Variants in ADAMTS2 observed in about 807,000 individuals in gnomAD.
ADAMTS2 encodes the protein A disintegrin and metalloproteinase with thrombospondin motifs 2.
Under a neutral mutation model 123.0 loss-of-function variants are expected in ADAMTS2, and 50 were observed. That is an observed-to-expected ratio of 0.41 (90% CI 0.32 to 0.51). The LOEUF is 0.51. Among genes scored for constraint, ADAMTS2 ranks in the 20% least tolerant of loss-of-function variants. The pLI, the probability that ADAMTS2 is intolerant of heterozygous loss-of-function variation, is 0.35. For missense variants in ADAMTS2, 1,494 were observed against 1,705.2 expected (o/e 0.88, Z 2.18); for synonymous variants, 678 against 695.4 (o/e 0.98, Z 0.39).
chr5:179,311,139 G>A (rs1756823192), intron 2 of ADAMTS2, among the ~76,000 whole-genome samples: 1 of 151,176 alleles, frequency 6.6e-6, no homozygotes, highest in African/African-American at 2.4e-5. Context: ...GGATGCGTAT[G>A]TTCAGCAGAT....
At position 179,129,770 on chromosome 5, in the gene ADAMTS2, C is replaced by T. The variant is rs1159114463; in HGVS notation, c.2457+162G>A. 6.6e-6 allele frequency among the ~76,000 whole-genome samples: 1 copy of T among 152,230 alleles called. No homozygotes were observed. Among genetic ancestry groups the T allele is most frequent in the African/African-American group, 2.4e-5 (1 of 41,470 alleles). ...CCGGCTCGTGGATGCATGTCCCTTC[C>T]TGGCTCTGACCAAGTCGGAGCCCCT... On this transcript the variant is annotated intron_variant, in intron 16 of 21. Transcript: ENST00000251582. The surrounding 1 kb of genome is among the most constrained non-coding windows in gnomAD (Gnocchi z 4.1).
At chr5:179,329,680 C>A (rs980926630) in intron 2 of ADAMTS2, among the ~76,000 whole-genome samples, 16 of 151,976 alleles carry the variant, frequency 1.1e-4, no homozygotes, top group African/African-American at 3.6e-4. Flanking sequence ...CAGAGCTGAC[C>A]GAAGAAACAA....
intron 2 of ADAMTS2, among the ~76,000 whole-genome samples, chr5:179,298,100 AC>A (rs1188059473): frequency 1.3e-5 from 2 of 152,146 alleles, no homozygotes; most frequent in African/African-American, 4.8e-5. Flanking sequence ...CCCTCGTGCC[AC>A]AGTGACCCTG....
Position 179,158,706 on chromosome 5 carries a change from GC to G in ADAMTS2, c.1132+16del. 6.2e-7 allele frequency: 1 copy of G among 1,614,010 alleles called. No individual in the cohort carries two copies. The highest frequency in any genetic ancestry group is 8.5e-7 in the Non-Finnish European group (1 of 1,180,010). ...TCCAGCTTCACGCCTCTGTGGCCCT[GC>G]ATGGGTGAGGCTCACCTTGCATGCC... On this transcript the variant is annotated intron_variant, in intron 6 of 21. Coordinates refer to ENST00000251582, the MANE Select transcript of ADAMTS2 (RefSeq NM_014244.5). This position sits in a 1 kb window ranked among gnomAD's most constrained non-coding sequence, Gnocchi z 5.0.
intron 2 of ADAMTS2, among the ~76,000 whole-genome samples, chr5:179,296,433 G>A (rs1314349080): frequency 1.3e-5 from 2 of 152,128 alleles, no homozygotes; most frequent in Non-Finnish European, 2.9e-5. Flanking sequence ...CAGGAATGTC[G>A]AAGTAGATCC....
intron 19 of ADAMTS2, among the ~76,000 whole-genome samples, chr5:179,124,360 T>C (rs1317695305): frequency 6.6e-6 from 1 of 152,012 alleles, no homozygotes; most frequent in African/African-American, 2.4e-5. Context: ...CTTCAGTCCA[T>C]CCTCATTCTT....
intron 2 of ADAMTS2, among the ~76,000 whole-genome samples, chr5:179,326,213 T>TGTGTGC (rs1757316621): frequency 6.6e-6 from 1 of 151,748 alleles, no homozygotes; most frequent in South Asian, 2.1e-4. Flanking sequence ...TGTGTGTGTG[T>TGTGTGC]GTGTGTGTGT....
At chr5:179,169,263 G>A (rs919155946) in intron 5 of ADAMTS2, among the ~76,000 whole-genome samples, 3 of 152,236 alleles carry the variant, frequency 2.0e-5, no homozygotes, top group Admixed American at 6.5e-5. Flanking sequence ...GGCACAGCTA[G>A]AAGGTGCCCT....
chr5:179,181,213 CT>C lies in ADAMTS2; in HGVS notation c.892-59del. On this transcript the variant is annotated intron_variant, in intron 4 of 21. Coordinates refer to ENST00000251582, the MANE Select transcript of ADAMTS2 (RefSeq NM_014244.5). The surrounding 1 kb of genome is among the most constrained non-coding windows in gnomAD (Gnocchi z 4.1). ...ACAGGCCCTAGGACTGGCTCTGGCT[CT>C]GCCAATGGGATGACCCCCACCTGCT... The C allele has an allele frequency of 7.8e-7, 1 of 1,285,464 alleles. No individual in the cohort carries two copies. The highest frequency in any genetic ancestry group is 1.1e-6 in the Non-Finnish European group (1 of 882,070). The allele number at this position is 1,285,464 out of a possible 1,614,324, so 79.6% of individuals were successfully genotyped here.
chr5:179,145,561 G>T (rs1763237204), intron 10 of ADAMTS2, among the ~76,000 whole-genome samples: 1 of 152,200 alleles, frequency 6.6e-6, no homozygotes, highest in African/African-American at 2.4e-5. Context: ...CTACAACAGG[G>T]ATGAGCCCTG....
At chr5:179,343,615 T>C (rs1757843965) in intron 2 of ADAMTS2, 152 bp downstream of exon 2, 3 of 1,134,654 alleles carry the variant, frequency 2.6e-6, no homozygotes, top group Non-Finnish European at 2.5e-6. Context: ...AGCCAAGCCC[T>C]TCAGTTGGAG....
rs570418931 is a variant in ADAMTS2 at position 179,126,051 on chromosome 5, C to T, written c.2697G>A (p.Ser899=). The T allele has an allele frequency of 2.0e-5, 33 of 1,613,384 alleles. No individual in the cohort carries two copies. The highest frequency in any genetic ancestry group is 8.0e-5 in the African/African-American group (6 of 75,078). The change falls in exon 18 of 22, where the codon TCG becomes TCA. Residue 899 remains serine (S), a synonymous_variant. Coordinates refer to ENST00000251582, the MANE Select transcript of ADAMTS2 (RefSeq NM_014244.5). ...ACGCTCTGCGGATGGCTTTGGGCTT[C>T]GAGAGGGCGGCACAGAAGCCACGGT... ...MVHRGFCAAL[S]KPKAIRRACN...
chr5:179,208,902 G>A (rs577904106), intron 3 of ADAMTS2, among the ~76,000 whole-genome samples: 2 of 152,282 alleles, frequency 1.3e-5, no homozygotes, highest in East Asian at 3.9e-4. Flanking sequence ...GACCCACAGG[G>A]CGGTGGCCAG....
Position 179,207,408 on chromosome 5 carries a change from A to G in ADAMTS2, c.891+105T>C, listed in dbSNP as rs371336723. On this transcript the variant is annotated intron_variant, in intron 4 of 21. Coordinates refer to ENST00000251582, the MANE Select transcript of ADAMTS2 (RefSeq NM_014244.5). ...TCACTCACCTCCGGCTAACAAGGAA[A>G]TCGGCAGAGCCTCAGGGGACCTGGC... 1.3e-5 allele frequency: 16 copies of G among 1,230,342 alleles called. No individual in the cohort carries two copies. In the African/African-American group the frequency reaches 2.1e-4, roughly 16 times the overall value. The allele number at this position is 1,230,342 out of a possible 1,614,324, so 76.2% of individuals were successfully genotyped here.
At chr5:179,138,554 C>T (rs1320202221) in intron 11 of ADAMTS2, among the ~76,000 whole-genome samples, 1 of 152,258 alleles carries the variant, frequency 6.6e-6, no homozygotes, top group Admixed American at 6.5e-5. Flanking sequence ...CACACACTGC[C>T]TCTTGAGGTT....
intron 2 of ADAMTS2, among the ~76,000 whole-genome samples, chr5:179,273,400 T>C (rs1331635978): frequency 6.6e-6 from 1 of 152,254 alleles, no homozygotes; most frequent in East Asian, 1.9e-4. Flanking sequence ...TGTGGGCCTG[T>C]GCGTGTCCCC....
Position 179,162,986 on chromosome 5 carries a change from G to A in ADAMTS2, c.976-4107C>T, listed in dbSNP as rs1026914473. Among the ~76,000 whole-genome samples the A allele has an allele frequency of 6.6e-6, 1 of 152,162 alleles. No homozygotes were observed. The highest frequency in any genetic ancestry group is 1.5e-5 in the Non-Finnish European group (1 of 68,036). On this transcript the variant is annotated intron_variant, in intron 5 of 21. Transcript: ENST00000251582. The surrounding 1 kb of genome is among the most constrained non-coding windows in gnomAD (Gnocchi z 5.1). ...TTTATATGCTTCTCAGTGGGAGAAG[G>A]GCCCTGGCCAAGTCTTTGAGGAGGA...
rs1356422508 is a variant in ADAMTS2 at position 179,197,855 on chromosome 5, G to A, written c.891+9658C>T. Among the ~76,000 whole-genome samples the A allele has an allele frequency of 6.6e-6, 1 of 152,158 alleles. No homozygotes were observed. Among genetic ancestry groups the A allele is most frequent in the Admixed American group, 6.5e-5 (1 of 15,280 alleles). ...GAAACTTGAGGTGCCACACACATCT[G>A]AGCTGCCTCCTAGCATGGCAGCCTC... On this transcript the variant is annotated intron_variant, in intron 4 of 21. Transcript: ENST00000251582. The surrounding 1 kb of genome is among the most constrained non-coding windows in gnomAD (Gnocchi z 4.2).
chr5:179,221,327 C>A (rs1765120778), intron 3 of ADAMTS2, among the ~76,000 whole-genome samples: 1 of 152,196 alleles, frequency 6.6e-6, no homozygotes, highest in Admixed American at 6.5e-5. Flanking sequence ...CCCGAGCTTC[C>A]AATGGCCCAT....
Sources: allele counts gnomAD v4.1 joint callset (sites outside exome capture counted in the v4.1 genomes callset), GRCh38; gene constraint gnomAD v4.1.1; non-coding constraint Gnocchi (gnomAD v3.1); transcripts MANE v1.5; gene names NCBI Gene and HGNC (gene_info 2026-07-23, HGNC 2026-07-21).